The following CPM variants were observed in gnomAD, a reference collection of about 807,000 sequenced individuals.
The protein encoded by CPM is renal carboxypeptidase.
CPM carries 35 observed loss-of-function variants against 46.4 expected under a neutral mutation model. The ratio of observed to expected loss-of-function variants is 0.75; its 90% CI spans 0.58 to 1.00. The LOEUF is 1.00. Among genes scored for constraint, CPM ranks in the 50% least tolerant of loss-of-function variants. CPM has a pLI of 0.00. For missense variants in CPM, 422 were observed against 530.4 expected (o/e 0.80, Z 2.01); for synonymous variants, 195 against 195.3 (o/e 1.00, Z 0.01).
chr12:68,939,406 A>G (rs1427520771), intron 1 of CPM, among the ~76,000 whole-genome samples: 2 of 149,722 alleles, frequency 1.3e-5, no homozygotes, highest in African/African-American at 4.9e-5. Context: ...ATAAATATAT[A>G]AAAAAGAATA....
rs117550698 is a variant in CPM, at chr12:68,894,229, C to G, written c.161-8340G>C. On this transcript the variant is annotated intron_variant, in intron 2 of 8. Transcript: ENST00000551568. ...CTATCTGTCTCACCAAAATGTAACC[C>G]ACAAGGGCACTGCCTGGTGTGTTCA... Among the ~76,000 whole-genome samples, 536 of 152,304 alleles carry G rather than the reference C, an allele frequency of 3.5e-3. 16 individuals are homozygous for G. The East Asian group carries it at 0.071, about 20-fold the overall frequency.
At chr12:68,917,329 T>C (rs1161679439) in intron 2 of CPM, among the ~76,000 whole-genome samples, 1 of 152,250 alleles carries the variant, frequency 6.6e-6, no homozygotes, top group African/African-American at 2.4e-5. Context: ...AGGTGCCATG[T>C]CTAACTTATT....
intron 1 of CPM, among the ~76,000 whole-genome samples, chr12:68,950,914 C>T (rs1442360541): frequency 6.6e-6 from 1 of 152,222 alleles, no homozygotes; most frequent in Non-Finnish European, 1.5e-5. Flanking sequence ...TTGCCAACTA[C>T]CTTCCCTGCA....
Position 68,856,419 on chromosome 12 carries a change from TGA to T in CPM, c.*16_*17del, listed in dbSNP as rs933834680. 4 of 1,608,352 alleles carry T rather than the reference TGA, an allele frequency of 2.5e-6. No individual in the cohort carries two copies. The highest frequency in any genetic ancestry group is 2.2e-5 in the South Asian group (2 of 90,126). ...CCTGATTCCAGGTGGTGATGTGGGT[TGA>T]GTTTCACATTTTACTTTATTTGAAG... On this transcript the variant is annotated 3_prime_UTR_variant, in exon 9 of 9. Coordinates refer to ENST00000551568, the MANE Select transcript of CPM (RefSeq NM_198320.5).
chr12:68,862,407 G>A (rs1478859261), intron 7 of CPM, among the ~76,000 whole-genome samples: 1 of 138,826 alleles, frequency 7.2e-6, no homozygotes, highest in Non-Finnish European at 1.6e-5. Flanking sequence ...GCTAATTTTT[G>A]TATTTTTAGT....
intron 1 of CPM, among the ~76,000 whole-genome samples, chr12:68,939,418 T>C (rs1888727245): frequency 6.7e-6 from 1 of 150,296 alleles, no homozygotes; most frequent in South Asian, 2.1e-4. Flanking sequence ...AAAAGAATAC[T>C]AAAATCATTC....
chr12:68,846,908 G>A (rs1884333392), downstream of CPM: 1 of 151,764 alleles, frequency 6.6e-6, no homozygotes. Context: ...TTAATATTCT[G>A]TTTGCATCCA....
intron 1 of CPM, among the ~76,000 whole-genome samples, chr12:68,956,010 C>T (rs1482162117): frequency 6.6e-6 from 1 of 152,166 alleles, no homozygotes; most frequent in African/African-American, 2.4e-5. Context: ...CTGTCTGCCT[C>T]CTGCCACCAT....
intron 2 of CPM, among the ~76,000 whole-genome samples, chr12:68,930,080 T>C (rs1888437554): frequency 6.6e-6 from 1 of 152,062 alleles, no homozygotes; most frequent in Admixed American, 6.6e-5. Context: ...ATAAATTCTG[T>C]TTATTTTCTT....
chr12:68,895,489 T>C (rs1181548226), intron 2 of CPM, among the ~76,000 whole-genome samples: 2 of 152,216 alleles, frequency 1.3e-5, no homozygotes, highest in Non-Finnish European at 2.9e-5. Context: ...GCCATAGCAA[T>C]TTGTGGGTCT....
chr12:68,940,888 T>C (rs748802935), intron 1 of CPM, among the ~76,000 whole-genome samples: 2 of 152,132 alleles, frequency 1.3e-5, no homozygotes, highest in Non-Finnish European at 2.9e-5. Flanking sequence ...AAGTGTACAG[T>C]GCAGTTGTGT....
intron 5 of CPM, chr12:68,845,055 G>A (rs7960195): frequency 0.07 from 14,771 of 209,646 alleles, 2,231 homozygotes; most frequent in African/African-American, 0.32. Context: ...GGCGTGAGCC[G>A]CCACGCCCAG....
At chr12:68,936,882 C>G (rs1888682214), upstream of CPM, among the ~76,000 whole-genome samples, 1 of 152,034 alleles carries the variant, frequency 6.6e-6, no homozygotes, top group East Asian at 1.9e-4. Context: ...AAAGAATGAG[C>G]AAAGGAGATG....
intron 2 of CPM, among the ~76,000 whole-genome samples, chr12:68,886,229 T>C (rs542652305): frequency 6.6e-6 from 1 of 152,166 alleles, no homozygotes; most frequent in East Asian, 1.9e-4. Context: ...TGGAGCCTCC[T>C]AGGATCTTGC....
rs559159880 is a variant in CPM at position 68,909,950 on chromosome 12, C to T, written c.160+22728G>A. Among the ~76,000 whole-genome samples, 12 of 151,468 alleles carry T rather than the reference C, an allele frequency of 7.9e-5. No homozygotes were observed. In the South Asian group the frequency reaches 1.7e-3, roughly 21 times the overall value. Reference sequence around the variant, plus strand: ...TGTATACCTATGTAACAAACCTGCACATTCTGCACATGTAACCCAGAACTT... The same window carrying T: ...TGTATACCTATGTAACAAACCTGCATATTCTGCACATGTAACCCAGAACTT... On this transcript the variant is annotated intron_variant, in intron 2 of 8. Coordinates refer to ENST00000551568, the MANE Select transcript of CPM (RefSeq NM_198320.5).
intron 1 of CPM, among the ~76,000 whole-genome samples, chr12:68,941,448 A>C (rs1888760306): frequency 6.6e-6 from 1 of 151,898 alleles, no homozygotes; most frequent in South Asian, 2.1e-4. Flanking sequence ...ATCACAGCTC[A>C]CTGTAGCCTT....
rs1269052213 is a variant in CPM at position 68,932,850 on chromosome 12, A to C, written c.-3-10T>G. The C allele has an allele frequency of 6.2e-7, 1 of 1,612,622 alleles. No homozygotes were observed. Among genetic ancestry groups the C allele is most frequent in the Non-Finnish European group, 8.5e-7 (1 of 1,179,576 alleles). ...ACGGGAAGTCCATGTTCTAGAGATG[A>C]ATAAAAATAAGAAGAACCTGAGAAC... On this transcript the variant is annotated splice_polypyrimidine_tract_variant and intron_variant, in intron 1 of 8. Transcript: ENST00000551568.
chr12:68,954,313 C>T (rs776734575), intron 1 of CPM, among the ~76,000 whole-genome samples: 1 of 152,190 alleles, frequency 6.6e-6, no homozygotes, highest in Non-Finnish European at 1.5e-5. Context: ...ACTCTGTTCC[C>T]ATCTCTCTGA....
In CPM at chr12:68,853,780, GGAAGGGAAGGGGAGGGAAAGGGAGA is replaced by G; in HGVS notation, c.*2632_*2656del. 6.6e-6 allele frequency: 1 copy of G among 151,838 alleles called. No homozygotes were observed. The highest frequency in any genetic ancestry group is 6.6e-5 in the Admixed American group (1 of 15,176). 9.4% of individuals were successfully genotyped at this position (151,838 alleles called of 1,614,324 possible). On this transcript the variant is annotated 3_prime_UTR_variant, in exon 9 of 9. Coordinates refer to ENST00000551568, the MANE Select transcript of CPM (RefSeq NM_198320.5). ...GAGGGGAGCGGAGGAAAGAAGAAAAGGAAGGGAAGGGGAGGGAAAGGGAGAGAAGGGGAGGAGAGGGAAAGGAGGG... is the reference window on the plus strand; with the variant it reads ...GAGGGGAGCGGAGGAAAGAAGAAAAGGAAGGGGAGGAGAGGGAAAGGAGGG...
Sources: allele counts gnomAD v4.1 joint callset (sites outside exome capture counted in the v4.1 genomes callset), GRCh38; gene constraint gnomAD v4.1.1; transcripts MANE v1.5; gene names NCBI Gene and HGNC (gene_info 2026-07-23, HGNC 2026-07-21).